HYDIN: variants seen among roughly 807,000 people sequenced by gnomAD.
The protein encoded by HYDIN is axonemal central pair apparatus protein HYDIN.
HYDIN carries 132 observed loss-of-function variants against 403.9 expected under a neutral mutation model. The ratio of observed to expected loss-of-function variants is 0.33; its 90% CI spans 0.28 to 0.38. HYDIN has a LOEUF of 0.38. HYDIN is among the 10% of genes least tolerant of loss of function. HYDIN has a pLI of 1.00. For missense variants in HYDIN, 2,827 were observed against 5,009.5 expected, an observed-to-expected ratio of 0.56 and a Z score of 13.15; for synonymous variants, 1,202 against 1,891.7, an observed-to-expected ratio of 0.64 and a Z score of 9.46.
At chr16:71,214,372 G>GA (rs2088762386) in intron 1 of HYDIN, among the ~76,000 whole-genome samples, 1 of 152,112 alleles carries the variant, frequency 6.6e-6, no homozygotes, top group South Asian at 2.1e-4. Context: ...CAAAAAAACA[G>GA]AATTTTAGAT....
rs1960343 is a variant in HYDIN at position 70,869,717 on chromosome 16, G to C, written c.11092-929C>G. 3.2e-4 allele frequency among the ~76,000 whole-genome samples: 47 copies of C among 147,710 alleles called. No homozygotes were observed. In the South Asian group the frequency reaches 0.011, roughly 33 times the overall value. ...GCCTCTTTATAAATTACCCAGTCTC[G>C]GGTATGTCTTTATCAGCAACGTGAA... On this transcript the variant is annotated intron_variant, in intron 65 of 85. Coordinates refer to ENST00000393567, the MANE Select transcript of HYDIN (RefSeq NM_001270974.2).
At chr16:71,073,135 T>A (rs1205338184) in intron 13 of HYDIN, among the ~76,000 whole-genome samples, 4 of 152,244 alleles carry the variant, frequency 2.6e-5, no homozygotes, top group Non-Finnish European at 5.9e-5. Flanking sequence ...ACAAGCAGAC[T>A]TTACCCACAG....
intron 60 of HYDIN, among the ~76,000 whole-genome samples, chr16:70,881,891 C>T (rs1226527881): frequency 3.9e-5 from 6 of 152,170 alleles, no homozygotes; most frequent in Admixed American, 2.6e-4. Flanking sequence ...AGAGTATTTG[C>T]CACACATTGG....
chr16:70,946,055 C>T (rs1160881138), intron 41 of HYDIN, among the ~76,000 whole-genome samples: 3 of 147,924 alleles, frequency 2.0e-5, no homozygotes, highest in Non-Finnish European at 4.5e-5. Flanking sequence ...TAGATGCTGA[C>T]AGAAGTAGAG....
intron 2 of HYDIN, among the ~76,000 whole-genome samples, 197 bp from the exon 3 acceptor site, chr16:71,185,187 C>T (rs984713123): frequency 3.3e-5 from 5 of 151,990 alleles, no homozygotes; most frequent in African/African-American, 1.2e-4. Context: ...GGTCTTTGCA[C>T]GGTAATTGAA....
intron 1 of HYDIN, chr16:71,203,578 A>C (rs948503046): frequency 2.7e-6 from 1 of 370,814 alleles, no homozygotes; most frequent in Admixed American, 3.5e-5. Flanking sequence ...TGTGCCAAGC[A>C]CAGTGAAGTA....
In HYDIN at chr16:71,178,920, A is replaced by G. The variant is rs2086791888; in HGVS notation, c.381+8T>C. Reference sequence around the variant, plus strand: ...GAACAGTTCACCCACCCCAGTGAACATACTCACTTTGTCATTGTTCCTCAA... The same window carrying G: ...GAACAGTTCACCCACCCCAGTGAACGTACTCACTTTGTCATTGTTCCTCAA... On this transcript the variant is annotated splice_region_variant and intron_variant, in intron 4 of 85. Coordinates refer to ENST00000393567, the MANE Select transcript of HYDIN (RefSeq NM_001270974.2). The G allele has an allele frequency of 3.7e-6, 6 of 1,609,686 alleles. No individual in the cohort carries two copies. Among genetic ancestry groups the G allele is most frequent in the Non-Finnish European group, 3.4e-6 (4 of 1,177,990 alleles).
At chr16:71,192,414 T>G (rs1260090637) in intron 1 of HYDIN, among the ~76,000 whole-genome samples, 2 of 152,094 alleles carry the variant, frequency 1.3e-5, no homozygotes, top group Non-Finnish European at 2.9e-5. Flanking sequence ...GTCATGCCAT[T>G]TCTCTGCCTA....
chr16:71,110,348 A>G (rs1034751171), intron 10 of HYDIN, among the ~76,000 whole-genome samples: 4 of 141,758 alleles, frequency 2.8e-5, no homozygotes, highest in Admixed American at 7.2e-5. Context: ...ATATTTATAG[A>G]TATTTTATAT....
At chr16:70,871,962 G>T in intron 65 of HYDIN, 75 bp downstream of exon 65, 2 of 1,342,220 alleles carry the variant, frequency 1.5e-6, no homozygotes, top group South Asian at 1.4e-5. Context: ...GCATCCACGG[G>T]AAAGGGCTGA....
At chr16:71,033,582 G>A (rs1157859413) in intron 18 of HYDIN, among the ~76,000 whole-genome samples, 4 of 151,124 alleles carry the variant, frequency 2.6e-5, no homozygotes, top group African/African-American at 7.3e-5. Context: ...TGAACAATGA[G>A]AACACATGGA....
chr16:70,925,203 G>A (rs1279715053), intron 45 of HYDIN, among the ~76,000 whole-genome samples: 1 of 152,098 alleles, frequency 6.6e-6, no homozygotes. Flanking sequence ...TAAAAACCTG[G>A]GGTGGGCATG....
At chr16:71,193,745 A>G (rs1224911283) in intron 1 of HYDIN, among the ~76,000 whole-genome samples, 3 of 152,334 alleles carry the variant, frequency 2.0e-5, no homozygotes, top group East Asian at 3.9e-4. Context: ...TACGTGTCAC[A>G]TTAATAACTA....
At chr16:71,191,030 G>C (rs556771867) in intron 1 of HYDIN, among the ~76,000 whole-genome samples, 1 of 152,072 alleles carries the variant, frequency 6.6e-6, no homozygotes, top group African/African-American at 2.4e-5. Context: ...GAGAAGTTAC[G>C]AATTAAAAGA....
intron 41 of HYDIN, among the ~76,000 whole-genome samples, chr16:70,948,392 C>T (rs1478817547): frequency 1.3e-5 from 2 of 152,014 alleles, no homozygotes; most frequent in Admixed American, 1.3e-4. Context: ...AGGACATAGG[C>T]ATGGGCAAGG....
chr16:70,948,494 A>G (rs1196556835), intron 41 of HYDIN, among the ~76,000 whole-genome samples: 1 of 150,704 alleles, frequency 6.6e-6, no homozygotes, highest in Non-Finnish European at 1.5e-5. Context: ...GCACAGCAAA[A>G]GAAACTACCA....
intron 43 of HYDIN, among the ~76,000 whole-genome samples, chr16:70,939,517 T>C (rs1488357979): frequency 6.6e-6 from 1 of 152,158 alleles, no homozygotes; most frequent in Non-Finnish European, 1.5e-5. Context: ...CATTAAAATC[T>C]CATGTTTGTT....
intron 22 of HYDIN, among the ~76,000 whole-genome samples, chr16:71,019,762 G>A (rs2080409772): frequency 6.6e-6 from 1 of 152,176 alleles, no homozygotes; most frequent in Non-Finnish European, 1.5e-5. Flanking sequence ...TTTGGTAGAT[G>A]TTAGTCCAGA....
chr16:71,068,210 C>T, intron 14 of HYDIN, among the ~76,000 whole-genome samples: 2 of 148,616 alleles, frequency 1.3e-5, no homozygotes. Flanking sequence ...ATTGTATGTA[C>T]TGGAAGAGAT....
Sources: allele counts gnomAD v4.1 joint callset (sites outside exome capture counted in the v4.1 genomes callset), GRCh38; gene constraint gnomAD v4.1.1; transcripts MANE v1.5; gene names NCBI Gene and HGNC (gene_info 2026-07-23, HGNC 2026-07-21).